The following KCNQ5 variants were observed in gnomAD, a reference collection of about 807,000 sequenced individuals.
KCNQ5 encodes potassium voltage-gated channel subfamily Q member 5, also known as potassium voltage-gated channel subfamily KQT member 5.
A neutral mutation model predicts 98.2 loss-of-function variants in KCNQ5; 30 were observed. That is an observed-to-expected ratio of 0.31 (90% confidence interval 0.23 to 0.41). The LOEUF is 0.41. Among genes scored for constraint, KCNQ5 ranks in the 10% least tolerant of loss-of-function variants. KCNQ5 has a pLI of 1.00. For missense variants in KCNQ5, 835 were observed against 1,182.5 expected (o/e 0.71, Z 4.31); for synonymous variants, 458 against 449.4 (o/e 1.02, Z -0.24).
intron 1 of KCNQ5, among the ~76,000 whole-genome samples, chr6:72,773,798 T>C (rs879807778): frequency 2.0e-5 from 3 of 152,078 alleles, no homozygotes; most frequent in Non-Finnish European, 2.9e-5. Context: ...TTCTAAAGTG[T>C]GTATGGAAAT....
Position 73,046,641 on chromosome 6 carries a change from T to TTATTTTATTA in KCNQ5, c.616+4588_616+4589insATATTTTATT, listed in dbSNP as rs1358310571. Among the ~76,000 whole-genome samples the TTATTTTATTA allele has an allele frequency of 2.7e-5, 4 of 149,606 alleles. No individual in the cohort carries two copies. The South Asian group carries it at 6.3e-4, about 23-fold the overall frequency. ...TTATTTTATTTTATTTTATTTTATT[T>TTATTTTATTA]TATTTTATTTTATTTTTTGAGGCAG... is the stretch of plus-strand genomic sequence containing the variant. On this transcript the variant is annotated intron_variant, in intron 3 of 13. Transcript: ENST00000370398.
chr6:73,003,249 C>T (rs1769668495), intron 1 of KCNQ5, among the ~76,000 whole-genome samples: 1 of 152,038 alleles, frequency 6.6e-6, no homozygotes. Context: ...TGTTTCTTAT[C>T]CTTATATATG....
At chr6:72,885,366 A>G (rs1778809100) in intron 1 of KCNQ5, among the ~76,000 whole-genome samples, 1 of 152,198 alleles carries the variant, frequency 6.6e-6, no homozygotes, top group South Asian at 2.1e-4. Flanking sequence ...TTCGACATTT[A>G]CAAAAGAATG....
At chr6:72,640,488 A>G (rs1375162479) in intron 1 of KCNQ5, among the ~76,000 whole-genome samples, 2 of 152,220 alleles carry the variant, frequency 1.3e-5, no homozygotes, top group African/African-American at 4.8e-5. Context: ...CTTATTTAAC[A>G]ACAACATTGT....
intron 1 of KCNQ5, among the ~76,000 whole-genome samples, chr6:72,742,297 A>C (rs1448636112): frequency 1.3e-5 from 2 of 152,214 alleles, no homozygotes; most frequent in Non-Finnish European, 2.9e-5. Flanking sequence ...TATTTCTCTT[A>C]AACTTAATGC....
At chr6:72,885,835 T>A (rs1386928910) in intron 1 of KCNQ5, among the ~76,000 whole-genome samples, 1 of 151,970 alleles carries the variant, frequency 6.6e-6, no homozygotes, top group Non-Finnish European at 1.5e-5. Flanking sequence ...AAAAAAATAA[T>A]AAAATTGGGT....
intron 5 of KCNQ5, among the ~76,000 whole-genome samples, chr6:73,089,712 C>T (rs938229084): frequency 1.3e-5 from 2 of 152,130 alleles, no homozygotes; most frequent in African/African-American, 4.8e-5. Flanking sequence ...TCTCCAATCT[C>T]ATCTAGGTGG....
chr6:73,009,840 G>A (rs1351957999), intron 2 of KCNQ5, among the ~76,000 whole-genome samples: 1 of 152,006 alleles, frequency 6.6e-6, no homozygotes, highest in African/African-American at 2.4e-5. Flanking sequence ...AATAGAAACC[G>A]AATAGTGCTA....
intron 3 of KCNQ5, among the ~76,000 whole-genome samples, chr6:73,050,274 G>GGAAC (rs1772165841): frequency 9.1e-6 from 1 of 110,234 alleles, no homozygotes; most frequent in Non-Finnish European, 2.0e-5. Flanking sequence ...AAGGAAGGAA[G>GGAAC]GAAGGAAGGA....
chr6:73,004,181 T>TTA (rs551755256), intron 2 of KCNQ5, among the ~76,000 whole-genome samples, 183 bp downstream of exon 2: 498 of 152,318 alleles, frequency 3.3e-3, no homozygotes, highest in Non-Finnish European at 5.8e-3. Flanking sequence ...TCCTTAGAAA[T>TTA]ATATAGAAAT....
At chr6:73,065,595 G>A (rs1384388546) in intron 3 of KCNQ5, among the ~76,000 whole-genome samples, 2 of 152,118 alleles carry the variant, frequency 1.3e-5, no homozygotes, top group East Asian at 3.8e-4. Flanking sequence ...CCCTTTCCCT[G>A]CCGCTATCAT....
chr6:73,018,934 A>G (rs1770468422), intron 2 of KCNQ5, among the ~76,000 whole-genome samples: 1 of 152,108 alleles, frequency 6.6e-6, no homozygotes, highest in Admixed American at 6.5e-5. Flanking sequence ...TATTTTGGAT[A>G]CTCGCTCTTC....
At chr6:73,126,365 G>A (rs1775987980) in intron 9 of KCNQ5, among the ~76,000 whole-genome samples, 1 of 152,176 alleles carries the variant, frequency 6.6e-6, no homozygotes, top group South Asian at 2.1e-4. Flanking sequence ...AATCCTGAAG[G>A]AGGGGTCACC....
rs189371406 is a variant in KCNQ5 at position 73,145,615 on chromosome 6, C to T, written c.1468+11974C>T. Among the ~76,000 whole-genome samples the T allele has an allele frequency of 1.3e-3, 202 of 152,248 alleles. 1 individual carries two copies. The highest frequency in any genetic ancestry group is 2.0e-3 in the Non-Finnish European group (135 of 68,012). On this transcript the variant is annotated intron_variant, in intron 10 of 13. Transcript: ENST00000370398. Reference sequence around the variant, plus strand: ...TAATTTCCATTTTTTTTAAACAATGCTTATGTTACCATCTCTAGACAAGTT... The same window carrying T: ...TAATTTCCATTTTTTTTAAACAATGTTTATGTTACCATCTCTAGACAAGTT...
Position 73,043,861 on chromosome 6 carries a change from A to C in KCNQ5, c.616+1799A>C, listed in dbSNP as rs1431610764. 5.3e-5 allele frequency among the ~76,000 whole-genome samples: 8 copies of C among 152,188 alleles called. No individual in the cohort carries two copies. In the East Asian group the frequency reaches 1.5e-3, roughly 29 times the overall value. On this transcript the variant is annotated intron_variant, in intron 3 of 13. Transcript: ENST00000370398. ...TTTTCAGCTACGGATACATCAACAC[A>C]TCTTAGTCCTTTAGTCTTTCTCTTC... is the stretch of plus-strand genomic sequence containing the variant.
chr6:72,947,647 A>G (rs536155297), intron 1 of KCNQ5, among the ~76,000 whole-genome samples: 4 of 152,250 alleles, frequency 2.6e-5, no homozygotes, highest in African/African-American at 9.6e-5. Flanking sequence ...ATCTTTGTGC[A>G]TTTCAAAAGG....
In KCNQ5 at chr6:72,982,719, T is replaced by C. The variant is rs1768530917; in HGVS notation, c.399-21189T>C. On this transcript the variant is annotated intron_variant, in intron 1 of 13. Coordinates refer to ENST00000370398, the MANE Select transcript of KCNQ5 (RefSeq NM_019842.4). ...GTGTGAATTTGATCTGTCATTATGA[T>C]GTTAGCTGGTTATTTTGCCCATTAG... 2.0e-5 allele frequency among the ~76,000 whole-genome samples: 3 copies of C among 152,268 alleles called. No homozygotes were observed. The South Asian group carries it at 6.2e-4, about 32-fold the overall frequency.
At chr6:73,103,874 G>A (rs1233281822) in intron 5 of KCNQ5, among the ~76,000 whole-genome samples, 2 of 152,120 alleles carry the variant, frequency 1.3e-5, no homozygotes, top group Non-Finnish European at 2.9e-5. Flanking sequence ...TGGATTATTT[G>A]TAACACAAAG....
intron 1 of KCNQ5, among the ~76,000 whole-genome samples, chr6:72,696,186 G>C (rs2154474421): frequency 6.6e-6 from 1 of 152,284 alleles, no homozygotes; most frequent in African/African-American, 2.4e-5. Context: ...CGCAGCAATG[G>C]TTTTAATCAT....
Sources: gnomAD v4.1 joint callset for allele counts (sites outside exome capture counted in the v4.1 genomes callset) on GRCh38, gnomAD v4.1.1 for gene constraint, MANE v1.5 for transcripts, NCBI Gene and HGNC (gene_info 2026-07-23, HGNC 2026-07-21) for gene names.